KCNH5: variants seen among roughly 807,000 people sequenced by gnomAD.
KCNH5 encodes the protein potassium voltage-gated channel subfamily H member 5.
A neutral mutation model predicts 96.1 loss-of-function variants in KCNH5; 46 were observed. The observed-to-expected ratio is 0.48, with a 90% CI of 0.38 to 0.61. KCNH5 has a LOEUF of 0.61. KCNH5 is among the 20% of genes least tolerant of loss of function. KCNH5 has a pLI of 0.00. For synonymous variants in KCNH5, 439 were observed against 449.8 expected, an observed-to-expected ratio of 0.98 and a Z score of 0.30; for missense variants, 907 against 1,225.8, an observed-to-expected ratio of 0.74 and a Z score of 3.88.
intron 7 of KCNH5, among the ~76,000 whole-genome samples, chr14:62,858,975 C>T (rs1887982181): frequency 6.6e-6 from 1 of 152,200 alleles, no homozygotes; most frequent in African/African-American, 2.4e-5. Context: ...CCCACTGCCA[C>T]ACTTCTTTAG....
chr14:63,004,645 C>T (rs914942791), intron 3 of KCNH5, among the ~76,000 whole-genome samples: 3 of 152,226 alleles, frequency 2.0e-5, no homozygotes, highest in Admixed American at 2.0e-4. Flanking sequence ...TGCTCTGTCA[C>T]CCAGGCTGGA....
chr14:62,965,130 T>C (rs1229992420), intron 6 of KCNH5, among the ~76,000 whole-genome samples: 1 of 152,134 alleles, frequency 6.6e-6, no homozygotes, highest in Non-Finnish European at 1.5e-5. Flanking sequence ...GGATTTGTTT[T>C]TTTCATTTAA....
At chr14:62,780,059 AC>A (rs1427391840) in intron 9 of KCNH5, 135 bp from the exon 10 acceptor site, 2 of 519,398 alleles carry the variant, frequency 3.9e-6, no homozygotes, top group Non-Finnish European at 3.2e-6. Context: ...ATCTATAAAC[AC>A]ATAACAATAC....
chr14:62,928,872 AG>A (rs1889526327), intron 7 of KCNH5, among the ~76,000 whole-genome samples: 1 of 152,062 alleles, frequency 6.6e-6, no homozygotes, highest in Admixed American at 6.6e-5. Context: ...TTTAGTGCTT[AG>A]ACCTCTTCTC....
At chr14:62,896,595 T>C (rs1359789688) in intron 7 of KCNH5, among the ~76,000 whole-genome samples, 4 of 152,212 alleles carry the variant, frequency 2.6e-5, no homozygotes, top group African/African-American at 9.6e-5. Flanking sequence ...ACGTAGCACA[T>C]GTTGTCCATC....
intron 7 of KCNH5, among the ~76,000 whole-genome samples, chr14:62,918,483 G>A (rs1306445618): frequency 6.6e-6 from 1 of 152,018 alleles, no homozygotes; most frequent in African/African-American, 2.4e-5. Context: ...TAAGATAAAC[G>A]AAAGGCTTAT....
intron 7 of KCNH5, among the ~76,000 whole-genome samples, chr14:62,871,908 T>C (rs1888263440): frequency 6.6e-6 from 1 of 152,178 alleles, no homozygotes; most frequent in Admixed American, 6.5e-5. Context: ...AGTCATTGTT[T>C]GTGTTCAGTG....
chr14:62,847,267 C>G (rs924696259), intron 8 of KCNH5, among the ~76,000 whole-genome samples: 1 of 151,408 alleles, frequency 6.6e-6, no homozygotes, highest in East Asian at 1.9e-4. Flanking sequence ...AGCTGAATGA[C>G]AGTTTTTGTT....
At chr14:62,928,679 T>C (rs567248245) in intron 7 of KCNH5, among the ~76,000 whole-genome samples, 2 of 152,198 alleles carry the variant, frequency 1.3e-5, no homozygotes, top group African/African-American at 4.8e-5. Context: ...TCCCAGATTT[T>C]GTCTTGATTG....
At chr14:62,904,378 CTAGT>C (rs1888986852) in intron 7 of KCNH5, among the ~76,000 whole-genome samples, 1 of 152,180 alleles carries the variant, frequency 6.6e-6, no homozygotes, top group South Asian at 2.1e-4. Context: ...GCAGATGAAC[CTAGT>C]TAGAGTCAGA....
chr14:62,752,670 A>G (rs1031119423), intron 10 of KCNH5, among the ~76,000 whole-genome samples: 4 of 152,030 alleles, frequency 2.6e-5, no homozygotes, highest in Admixed American at 2.0e-4. Flanking sequence ...TGTAAACCCC[A>G]AGTGTCAATG....
chr14:62,817,538 G>A (rs2140013905), intron 8 of KCNH5, among the ~76,000 whole-genome samples: 1 of 149,678 alleles, frequency 6.7e-6, no homozygotes, highest in East Asian at 1.9e-4. Context: ...TATGGAAATG[G>A]TTCACTTGAT....
chr14:62,957,752 G>C (rs1890131858), intron 6 of KCNH5, among the ~76,000 whole-genome samples: 1 of 152,178 alleles, frequency 6.6e-6, no homozygotes, highest in Non-Finnish European at 1.5e-5. Context: ...TGGGGGATGA[G>C]AGACCACAGA....
At chr14:62,714,948 T>C (rs142022234) in intron 10 of KCNH5, among the ~76,000 whole-genome samples, 520 of 152,318 alleles carry the variant, frequency 3.4e-3, no homozygotes, top group Middle Eastern at 0.02. Context: ...CATTTATTGG[T>C]AGAATGCACA....
chr14:62,820,030 T>C (rs1358207317), intron 8 of KCNH5, among the ~76,000 whole-genome samples: 1 of 152,112 alleles, frequency 6.6e-6, no homozygotes, highest in Non-Finnish European at 1.5e-5. Context: ...GTATAGGAGG[T>C]TGCATTTAAA....
In KCNH5 at chr14:62,699,657, A is replaced by C. The variant is rs145258776; in HGVS notation, c.*7851T>G. 1 of 152,224 alleles carries C rather than the reference A, an allele frequency of 6.6e-6. No homozygotes were observed. Among genetic ancestry groups the C allele is most frequent in the Non-Finnish European group, 1.5e-5 (1 of 68,032 alleles). The allele number at this position is 152,224 out of a possible 1,614,324, so 9.4% of individuals were successfully genotyped here. A position where few individuals can be genotyped will look rare whatever the true frequency, so the allele number is the denominator to read the frequency against. ...ACCATTTTTTGAGAACAAACGTTAA[A>C]TAAAGTGATAATCACCACAAACTTC... On this transcript the variant is annotated 3_prime_UTR_variant, in exon 11 of 11. Transcript: ENST00000322893.
At chr14:62,966,986 A>G (rs76260292) in intron 6 of KCNH5, among the ~76,000 whole-genome samples, 3 of 152,012 alleles carry the variant, frequency 2.0e-5, no homozygotes, top group Non-Finnish European at 4.4e-5. Context: ...AATAAATTCA[A>G]CTCAGCTTTG....
chr14:62,705,113 T>C lies in KCNH5; in HGVS notation c.*2395A>G, dbSNP rs1410286279. ...AATCTGGAGTAATTCAAAACCATTA[T>C]GTTTCTCACATATATGAACAATAAC... On this transcript the variant is annotated 3_prime_UTR_variant, in exon 11 of 11. Transcript: ENST00000322893. 1 of 152,016 alleles carries C rather than the reference T, an allele frequency of 6.6e-6. No individual in the cohort carries two copies. The highest frequency in any genetic ancestry group is 1.5e-5 in the Non-Finnish European group (1 of 67,872). 9.4% of individuals were successfully genotyped at this position (152,016 alleles called of 1,614,324 possible). A position where few individuals can be genotyped will look rare whatever the true frequency, so the allele number is the denominator to read the frequency against.
At chr14:63,025,631 A>AAAC (rs55701002) in intron 1 of KCNH5, among the ~76,000 whole-genome samples, 1 of 151,548 alleles carries the variant, frequency 6.6e-6, no homozygotes, top group African/African-American at 2.4e-5. Flanking sequence ...AAAAAAAAAA[A>AAAC]CAGTACTTAG....
Sources: allele counts gnomAD v4.1 joint callset (sites outside exome capture counted in the v4.1 genomes callset), GRCh38; gene constraint gnomAD v4.1.1; transcripts MANE v1.5; gene names NCBI Gene and HGNC (gene_info 2026-07-23, HGNC 2026-07-21).